Variants in KYAT1 observed in about 807,000 individuals in gnomAD.
KYAT1 encodes kynurenine--oxoglutarate transaminase 1.
KYAT1 carries 47 observed loss-of-function variants against 52.4 expected under a neutral mutation model. The observed-to-expected ratio is 0.90, with a 90% CI of 0.71 to 1.14. KYAT1 has a LOEUF of 1.14. KYAT1 is among the 50% of genes most tolerant of loss of function. The pLI, the probability that KYAT1 is intolerant of heterozygous loss-of-function variation, is 0.00. For synonymous variants in KYAT1, 212 were observed against 209.6 expected, an observed-to-expected ratio of 1.01 and a Z score of -0.10; for missense variants, 480 against 557.9, an observed-to-expected ratio of 0.86 and a Z score of 1.41.
rs1837525995 is a variant in KYAT1, at chr9:128,873,438, C to G, written c.-7+8459G>C. 2.0e-5 allele frequency among the ~76,000 whole-genome samples: 3 copies of G among 150,978 alleles called. 1 individual carries two copies. The South Asian group carries it at 6.3e-4, about 32-fold the overall frequency. ...GCAACACTGAAAATTAAGACGTTTT[C>G]TTTCGTTATAAAAGTTTATCAAGGA... is the stretch of plus-strand genomic sequence containing the variant. On this transcript the variant is annotated intron_variant, in intron 1 of 12. Transcript: ENST00000302586.
chr9:128,846,899 G>T, intron 1 of KYAT1: 2 of 1,503,638 alleles, frequency 1.3e-6, no homozygotes, highest in African/African-American at 2.8e-5. Context: ...ATTTTGCTCA[G>T]TTCCACCTCG....
In KYAT1 at chr9:128,840,039, CTCTG is replaced by C. The variant is rs548564322; in HGVS notation, c.202-1676_202-1673del. On this transcript the variant is annotated intron_variant, in intron 3 of 12. Transcript: ENST00000302586. ...ACCAGTCTGGGTAATAAAACTGAGA[CTCTG>C]TCTTAGACAATAAATTAATTAATTA... Among the ~76,000 whole-genome samples, 1,509 of 151,998 alleles carry C rather than the reference CTCTG, an allele frequency of 9.9e-3. 14 individuals carry two copies. Among genetic ancestry groups the C allele is most frequent in the South Asian group, 0.05 (240 of 4,820 alleles).
rs1052923925 is a variant in KYAT1, at chr9:128,851,479, C to T, written c.-6-6068G>A. On this transcript the variant is annotated intron_variant, in intron 1 of 12. Transcript: ENST00000302586. Reference sequence around the variant, plus strand: ...AAAGCTTCTACAGAAAATCTAATTACGCTATTTCAAACAATAGAACAATTC... The same window carrying T: ...AAAGCTTCTACAGAAAATCTAATTATGCTATTTCAAACAATAGAACAATTC... Among the ~76,000 whole-genome samples, 7 of 152,194 alleles carry T rather than the reference C, an allele frequency of 4.6e-5. No homozygotes were observed. The East Asian group carries it at 5.8e-4, about 13-fold the overall frequency.
chr9:128,837,101 C>T (rs1241007359), intron 6 of KYAT1, among the ~76,000 whole-genome samples, 179 bp from the exon 7 acceptor site: 1 of 152,172 alleles, frequency 6.6e-6, no homozygotes, highest in African/African-American at 2.4e-5. Flanking sequence ...TAAGACCAGC[C>T]TGGCCAACAT....
At chr9:128,882,239 C>T (rs1839064907), upstream of KYAT1, 2 of 152,718 alleles carry the variant, frequency 1.3e-5, no homozygotes. Flanking sequence ...CGGCCGGGCG[C>T]GGCGAGCCCA....
At chr9:128,871,620 G>A (rs1336024167) in intron 1 of KYAT1, among the ~76,000 whole-genome samples, 1 of 152,090 alleles carries the variant, frequency 6.6e-6, no homozygotes, top group Admixed American at 6.6e-5. Context: ...GCTCAGCTGG[G>A]AGTATTGCTT....
At chr9:128,865,326 TA>T (rs1564491356) in intron 1 of KYAT1, among the ~76,000 whole-genome samples, 22,455 of 46,606 alleles carry the variant, frequency 0.48, 7,241 homozygotes, top group East Asian at 0.61. Context: ...TATATATATA[TA>T]TATATATATA....
Position 128,838,449 on chromosome 9 carries a change from C to T in KYAT1, c.202-82G>A. On this transcript the variant is annotated intron_variant, in intron 3 of 12. Transcript: ENST00000302586. ...AGCTGTATCCAGGCAATTCTAGCAC[C>T]TTCCAGCAGCAGGCCTGGGGGCAAA... 1.9e-6 allele frequency: 3 copies of T among 1,550,046 alleles called. No individual in the cohort carries two copies. In the South Asian group the frequency reaches 3.4e-5, roughly 18 times the overall value.
At chr9:128,854,371 T>C (rs1834330646) in intron 1 of KYAT1, among the ~76,000 whole-genome samples, 1 of 152,130 alleles carries the variant, frequency 6.6e-6, no homozygotes, top group Admixed American at 6.6e-5. Context: ...GAGGAAAAAC[T>C]GATTTGGTAA....
At chr9:128,838,975 T>TATTTATTC (rs927338732) in intron 3 of KYAT1, among the ~76,000 whole-genome samples, 2 of 151,712 alleles carry the variant, frequency 1.3e-5, no homozygotes, top group Admixed American at 6.6e-5. Flanking sequence ...TTTATTTATT[T>TATTTATTC]ATTTTGAGAC....
intron 1 of KYAT1, among the ~76,000 whole-genome samples, chr9:128,866,953 C>G (rs1836481559): frequency 1.3e-5 from 2 of 151,712 alleles, no homozygotes; most frequent in Admixed American, 1.3e-4. Context: ...GAAAATTAGT[C>G]ATAATTAGTG....
chr9:128,845,499 G>T, intron 1 of KYAT1, 88 bp from the exon 2 acceptor site: 2 of 1,257,310 alleles, frequency 1.6e-6, no homozygotes, highest in Non-Finnish European at 2.3e-6. Context: ...GCTGCTTTCA[G>T]GCCACAGCGC....
rs112688910 is a variant in KYAT1, at chr9:128,865,592, C to G, written c.-7+16305G>C. 4.1e-3 allele frequency among the ~76,000 whole-genome samples: 627 copies of G among 151,360 alleles called. 2 individuals carry two copies. Among genetic ancestry groups the G allele is most frequent in the Admixed American group, 8.6e-3 (130 of 15,188 alleles). ...GTCCAGGCTGGTCTCAAACTCCTGA[C>G]GTCAGGTGATCCACCCACCTCGGCT... On this transcript the variant is annotated intron_variant, in intron 1 of 12. Coordinates refer to ENST00000302586, the MANE Select transcript of KYAT1 (RefSeq NM_004059.5).
At chr9:128,851,711 T>C (rs1404136325) in intron 1 of KYAT1, among the ~76,000 whole-genome samples, 2 of 152,314 alleles carry the variant, frequency 1.3e-5, no homozygotes, top group African/African-American at 2.4e-5. Flanking sequence ...GTGTGATAGA[T>C]TGTGAAGAAG....
chr9:128,863,331 AAATAAT>A (rs1236660193), intron 1 of KYAT1, among the ~76,000 whole-genome samples: 1 of 152,008 alleles, frequency 6.6e-6, no homozygotes, highest in Admixed American at 6.6e-5. Flanking sequence ...TGCATGAAAT[AAATAAT>A]AATAATTCAT....
At position 128,866,319 on chromosome 9, in the gene KYAT1, G is replaced by A. The variant is rs184261320; in HGVS notation, c.-7+15578C>T. 3.9e-4 allele frequency among the ~76,000 whole-genome samples: 59 copies of A among 152,356 alleles called. No individual in the cohort carries two copies. The East Asian group carries it at 0.011, about 28-fold the overall frequency. On this transcript the variant is annotated intron_variant, in intron 1 of 12. Transcript: ENST00000302586. ...GGGAAATTCACAAAAGCAAATAGTC[G>A]CTGGGTGTGGTGGCTCACGCCTGTA... is the stretch of plus-strand genomic sequence containing the variant.
intron 3 of KYAT1, among the ~76,000 whole-genome samples, chr9:128,840,051 CAAT>C (rs1330275965): frequency 1.3e-5 from 2 of 151,790 alleles, no homozygotes; most frequent in Non-Finnish European, 2.9e-5. Flanking sequence ...CTGTCTTAGA[CAAT>C]AAATTAATTA....
intron 1 of KYAT1, among the ~76,000 whole-genome samples, chr9:128,862,890 T>A (rs775034705): frequency 7.0e-4 from 107 of 152,088 alleles, no homozygotes; most frequent in Admixed American, 1.2e-3. Flanking sequence ...AATGGCATGA[T>A]CTCGGCTCCC....
chr9:128,846,858 T>C (rs1017948749), intron 1 of KYAT1: 9 of 1,534,926 alleles, frequency 5.9e-6, no homozygotes, highest in Non-Finnish European at 7.0e-6. Context: ...CTCAGCCACC[T>C]GCTGTGGTCA....
Sources: allele counts gnomAD v4.1 joint callset (sites outside exome capture counted in the v4.1 genomes callset), GRCh38; gene constraint gnomAD v4.1.1; transcripts MANE v1.5; gene names NCBI Gene and HGNC (gene_info 2026-07-23, HGNC 2026-07-21).